The following SLC35F5 variants were observed in gnomAD, a reference collection of about 807,000 sequenced individuals.
SLC35F5 encodes the protein solute carrier family 35 member F5, also known as HCV NS5A-transactivated protein 3.
A neutral mutation model predicts 68.6 loss-of-function variants in SLC35F5; 54 were observed. The observed-to-expected ratio is 0.79, with a 90% CI of 0.63 to 0.99. The LOEUF is 0.99. SLC35F5 is among the 50% of genes least tolerant of loss of function. SLC35F5 has a pLI of 0.00. For synonymous variants in SLC35F5, 211 were observed against 205.2 expected (o/e 1.03, Z -0.24); for missense variants, 567 against 626.9 (o/e 0.90, Z 1.02).
chr2:113,731,539 TTTC>T, intron 10 of SLC35F5, 42 bp downstream of exon 10: 1 of 1,512,650 alleles, frequency 6.6e-7, no homozygotes, highest in Middle Eastern at 1.7e-4. Context: ...CACATGTAAC[TTTC>T]TTATTTACTC....
At chr2:113,743,023 C>T in intron 6 of SLC35F5, 144 bp from the exon 7 acceptor site, 1 of 706,150 alleles carries the variant, frequency 1.4e-6, no homozygotes, top group Non-Finnish European at 2.3e-6. Flanking sequence ...TATATCATTA[C>T]CTGAGACAAC....
intron 3 of SLC35F5, among the ~76,000 whole-genome samples, chr2:113,752,041 G>T (rs1676766386): frequency 6.6e-6 from 1 of 152,000 alleles, no homozygotes; most frequent in Non-Finnish European, 1.5e-5. Flanking sequence ...GTGAAACCCA[G>T]TCTGTACTAA....
At chr2:113,755,686 T>A (rs1676952803) in intron 1 of SLC35F5, 142 bp from the exon 2 acceptor site, 2 of 1,047,532 alleles carry the variant, frequency 1.9e-6, no homozygotes, top group Non-Finnish European at 2.9e-6. Flanking sequence ...TTGCCACCTT[T>A]CTCAGTACTT....
Position 113,739,802 on chromosome 2 carries a change from C to T in SLC35F5, c.750+2890G>A, listed in dbSNP as rs544198422. Among the ~76,000 whole-genome samples the T allele has an allele frequency of 1.2e-4, 18 of 152,182 alleles. No homozygotes were observed. The South Asian group carries it at 2.3e-3, about 19-fold the overall frequency. On this transcript the variant is annotated intron_variant, in intron 7 of 15. Coordinates refer to ENST00000245680, the MANE Select transcript of SLC35F5 (RefSeq NM_025181.5). The stretch of plus-strand genomic sequence containing the variant: ...GCTATAACTCTTGACTCCCCCAAAA[C>T]GTAACTACTGATAGACTACAGGTGA...
intron 13 of SLC35F5, 97 bp downstream of exon 13, chr2:113,723,007 T>C: frequency 2.8e-6 from 2 of 723,584 alleles, no homozygotes; most frequent in Non-Finnish European, 4.2e-6. Context: ...GTATTATTTA[T>C]GTTTGTATCC....
rs551563967 is a variant in SLC35F5 at position 113,709,963 on chromosome 2, T to C, written c.*5255A>G. On this transcript the variant is annotated 3_prime_UTR_variant, in exon 16 of 16. Coordinates refer to ENST00000245680, the MANE Select transcript of SLC35F5 (RefSeq NM_025181.5). ...AGCAGCTCAGACTACAGGTATGCAC[T>C]ACCATGCCTGTTTGTTTTTTGTTTT... is the stretch of plus-strand genomic sequence containing the variant. Among the ~76,000 whole-genome samples, 4 of 152,212 alleles carry C rather than the reference T, an allele frequency of 2.6e-5. No individual in the cohort carries two copies. Among genetic ancestry groups the C allele is most frequent in the Admixed American group, 6.5e-5 (1 of 15,280 alleles).
At chr2:113,703,104 C>T (rs1686728222), downstream of SLC35F5, among the ~76,000 whole-genome samples, 1 of 143,216 alleles carries the variant, frequency 7.0e-6, no homozygotes, top group East Asian at 1.9e-4. Flanking sequence ...AGCAAGACCC[C>T]ATCTCAAAAA....
intron 9 of SLC35F5, among the ~76,000 whole-genome samples, chr2:113,732,253 G>T (rs999941528): frequency 7.9e-5 from 12 of 152,102 alleles, no homozygotes; most frequent in Admixed American, 2.0e-4. Flanking sequence ...GATATCAGAG[G>T]TCATTCATAA....
chr2:113,755,102 TA>T, intron 3 of SLC35F5, 62 bp downstream of exon 3: 1 of 1,514,098 alleles, frequency 6.6e-7, no homozygotes, highest in South Asian at 1.2e-5. Flanking sequence ...CTAGAGTTAC[TA>T]CAGGTTAAGA....
In SLC35F5 at chr2:113,710,061, C is replaced by T. The variant is rs1193172968; in HGVS notation, c.*5157G>A. On this transcript the variant is annotated 3_prime_UTR_variant, in exon 16 of 16. Transcript: ENST00000245680. ...GAACTCCTGGGCTCACGTGATCCTCCTGCCTCAGTCTCCCAAAGCACTGGA... is the reference window on the plus strand; with the variant it reads ...GAACTCCTGGGCTCACGTGATCCTCTTGCCTCAGTCTCCCAAAGCACTGGA... 2.0e-5 allele frequency among the ~76,000 whole-genome samples: 3 copies of T among 152,166 alleles called. No homozygotes were observed. Among genetic ancestry groups the T allele is most frequent in the Non-Finnish European group, 4.4e-5 (3 of 68,034 alleles).
chr2:113,734,701 G>A (rs748020783), intron 8 of SLC35F5, 28 bp from the exon 9 acceptor site: 10 of 1,392,026 alleles, frequency 7.2e-6, no homozygotes, highest in African/African-American at 5.8e-5. Context: ...TTTAAAAATG[G>A]TACATGAGTT....
chr2:113,733,847 T>C (rs1406416181), intron 9 of SLC35F5, among the ~76,000 whole-genome samples: 1 of 152,228 alleles, frequency 6.6e-6, no homozygotes, highest in African/African-American at 2.4e-5. Flanking sequence ...CAATCTCAGC[T>C]TTGATAACCA....
chr2:113,740,714 C>T (rs1055194974), intron 7 of SLC35F5, among the ~76,000 whole-genome samples: 2 of 152,148 alleles, frequency 1.3e-5, no homozygotes, highest in African/African-American at 2.4e-5. Context: ...GCAACCTCCA[C>T]CTCCTGGGTT....
chr2:113,721,794 C>T (rs1687450510), intron 13 of SLC35F5, among the ~76,000 whole-genome samples: 1 of 148,538 alleles, frequency 6.7e-6, no homozygotes, highest in Non-Finnish European at 1.5e-5. Context: ...ATGGAATATC[C>T]ACATTCTTTG....
chr2:113,726,970 T>C (rs71416555), intron 11 of SLC35F5, among the ~76,000 whole-genome samples: 2 of 152,160 alleles, frequency 1.3e-5, no homozygotes, highest in African/African-American at 2.4e-5. Flanking sequence ...GGAGCCCAAC[T>C]ATTATGGTTT....
At chr2:113,748,905 G>C (rs1676626149) in intron 4 of SLC35F5, among the ~76,000 whole-genome samples, 1 of 152,186 alleles carries the variant, frequency 6.6e-6, no homozygotes, top group Admixed American at 6.5e-5. Flanking sequence ...CCAAGTCCAT[G>C]CAACTCTCCT....
chr2:113,719,413 C>T, intron 13 of SLC35F5, 105 bp from the exon 14 acceptor site: 1 of 988,724 alleles, frequency 1.0e-6, no homozygotes, highest in Non-Finnish European at 1.4e-6. Flanking sequence ...GGAATAAGAA[C>T]AATGGGAAGA....
In SLC35F5 at chr2:113,719,284, C is replaced by A; in HGVS notation, c.1366G>T (p.Ala456Ser). The stretch of plus-strand genomic sequence containing the variant: ...GAAAAAAATACAGGGATAGCTCCTG[C>A]AAAAAATAACCAAGAAAACTGCACC... ...QKVQFSWLFF[A>S]GAIPVFFSFF... The change falls in exon 14 of 16, where the codon GCA (alanine) becomes TCA (serine). Residue 456 changes from alanine to serine, a missense_variant. Physicochemically the swap from Ala to Ser is moderately conservative, Grantham distance 99. Transcript: ENST00000245680. 3 of 1,555,412 alleles carry A rather than the reference C, an allele frequency of 1.9e-6. No individual in the cohort carries two copies. The highest frequency in any genetic ancestry group is 2.6e-6 in the Non-Finnish European group (3 of 1,163,664).
At chr2:113,751,074 A>T (rs867578419) in intron 3 of SLC35F5, among the ~76,000 whole-genome samples, 6 of 152,242 alleles carry the variant, frequency 3.9e-5, no homozygotes, top group Middle Eastern at 3.4e-3. Flanking sequence ...GAGTTCACAA[A>T]GGTTGAGGCT....
Sources: gnomAD v4.1 joint callset for allele counts (sites outside exome capture counted in the v4.1 genomes callset) on GRCh38, gnomAD v4.1.1 for gene constraint, MANE v1.5 for transcripts, NCBI Gene and HGNC (gene_info 2026-07-23, HGNC 2026-07-21) for gene names.